PIGF: variants seen among roughly 807,000 people sequenced by gnomAD.
PIGF encodes the protein phosphatidylinositol glycan anchor biosynthesis class F.
In PIGF, 23 loss-of-function variants were observed where a neutral mutation model predicts 26.0. The observed-to-expected ratio is 0.88, with a 90% CI of 0.64 to 1.25. PIGF has a LOEUF of 1.25. Among genes scored for constraint, PIGF ranks in the 50% most tolerant of loss-of-function variants. PIGF has a pLI of 0.00. For synonymous variants in PIGF, 93 were observed against 92.6 expected, an observed-to-expected ratio of 1.00 and a Z score of -0.03; for missense variants, 278 against 249.9, an observed-to-expected ratio of 1.11 and a Z score of -0.76.
At chr2:46,592,449 T>G in intron 5 of PIGF, 26 bp downstream of exon 5, 1 of 1,077,364 alleles carries the variant, frequency 9.3e-7, no homozygotes, top group South Asian at 1.2e-5. Context: ...ACATTTATTT[T>G]GTTGCTTTAA....
At chr2:46,611,391 G>A (rs1670409592) in intron 4 of PIGF, among the ~76,000 whole-genome samples, 1 of 151,924 alleles carries the variant, frequency 6.6e-6, no homozygotes, top group African/African-American at 2.4e-5. Flanking sequence ...GGCTGAGGCA[G>A]GAGAATCACT....
At chr2:46,595,121 C>CTA (rs1669843226) in intron 4 of PIGF, among the ~76,000 whole-genome samples, 1 of 151,968 alleles carries the variant, frequency 6.6e-6, no homozygotes, top group Non-Finnish European at 1.5e-5. Flanking sequence ...CTAGAAAATC[C>CTA]TTTCTAGCCA....
intron 5 of PIGF, 129 bp from the exon 6 acceptor site, chr2:46,581,720 G>A (rs768928813): frequency 2.3e-6 from 3 of 1,311,490 alleles, no homozygotes; most frequent in Admixed American, 2.6e-5. Flanking sequence ...GTGTAATAAG[G>A]TCATAACTGC....
At chr2:46,592,036 A>G in intron 5 of PIGF, 1 of 1,185,174 alleles carries the variant, frequency 8.4e-7, no homozygotes, top group Non-Finnish European at 1.1e-6. Context: ...AAATTTCTGC[A>G]GCTATTAACC....
intron 1 of PIGF, 104 bp downstream of exon 1, chr2:46,616,866 G>C: frequency 6.3e-6 from 2 of 315,058 alleles, no homozygotes; most frequent in Non-Finnish European, 1.2e-5. Context: ...CTGACGGCGA[G>C]CGCCGGCGGG....
At chr2:46,601,279 T>A (rs963506386) in intron 4 of PIGF, among the ~76,000 whole-genome samples, 1 of 152,076 alleles carries the variant, frequency 6.6e-6, no homozygotes, top group Non-Finnish European at 1.5e-5. Context: ...AAAAAGTGAC[T>A]ACAGCAATGT....
chr2:46,598,669 G>C (rs1669964985), intron 4 of PIGF, among the ~76,000 whole-genome samples: 1 of 151,648 alleles, frequency 6.6e-6, no homozygotes, highest in Admixed American at 6.6e-5. Flanking sequence ...TGGTTGCCTG[G>C]GCCATGGAGA....
intron 4 of PIGF, among the ~76,000 whole-genome samples, chr2:46,608,140 C>A (rs550126360): frequency 6.6e-6 from 1 of 152,302 alleles, no homozygotes; most frequent in South Asian, 2.1e-4. Flanking sequence ...TTGGAGTCAA[C>A]CCTCTCAAAC....
At chr2:46,599,403 A>G (rs978675880) in intron 4 of PIGF, among the ~76,000 whole-genome samples, 6 of 152,062 alleles carry the variant, frequency 3.9e-5, no homozygotes, top group African/African-American at 1.4e-4. Flanking sequence ...TTTGTTGGGT[A>G]TTTTAGAGGC....
At chr2:46,592,612 G>C in intron 4 of PIGF, 29 bp from the exon 5 acceptor site, 2 of 1,123,552 alleles carry the variant, frequency 1.8e-6, no homozygotes, top group Non-Finnish European at 2.7e-6. Context: ...TACATCGTTG[G>C]TGGTATATAC....
chr2:46,591,562 G>A (rs1373355621), intron 5 of PIGF: 1 of 937,040 alleles, frequency 1.1e-6, no homozygotes, highest in Non-Finnish European at 1.3e-6. Context: ...AATTCAAGAA[G>A]CTATAGATTC....
rs2104068620 is a variant in PIGF, at chr2:46,588,047, T to C, written c.546+4428A>G. 2 of 1,521,080 alleles carry C rather than the reference T, an allele frequency of 1.3e-6. No individual in the cohort carries two copies. Among genetic ancestry groups the C allele is most frequent in the Non-Finnish European group, 1.8e-6 (2 of 1,133,700 alleles). 94.2% of individuals were successfully genotyped at this position (1,521,080 alleles called of 1,614,324 possible). On this transcript the variant is annotated intron_variant, in intron 5 of 5. Transcript: ENST00000281382. The surrounding 1 kb of genome is among the most constrained non-coding windows in gnomAD (Gnocchi z 4.1). ...CCTCCCCTCTCACACTTGGACTTTC[T>C]AGTGTATAAAATGGGAGTAAAACCT...
chr2:46,607,249 C>G (rs1670252979), intron 4 of PIGF, among the ~76,000 whole-genome samples: 1 of 152,222 alleles, frequency 6.6e-6, no homozygotes, highest in Non-Finnish European at 1.5e-5. Flanking sequence ...AGATTTCCAA[C>G]AACCATCTCA....
rs1572768363 is a variant in PIGF at position 46,588,324 on chromosome 2, G to A, written c.546+4151C>T. 9.5e-7 allele frequency: 1 copy of A among 1,048,906 alleles called. No individual in the cohort carries two copies. Among genetic ancestry groups the A allele is most frequent in the Non-Finnish European group, 1.3e-6 (1 of 749,796 alleles). 65.0% of individuals were successfully genotyped at this position (1,048,906 alleles called of 1,614,324 possible). On this transcript the variant is annotated intron_variant, in intron 5 of 5. Transcript: ENST00000281382. The surrounding 1 kb of genome is among the most constrained non-coding windows in gnomAD (Gnocchi z 4.1). Reference sequence around the variant, plus strand: ...CAGAAAAAATAAAACAACAAACTGAGACAATTAACATATTCTCTAATATAT... The same window carrying A: ...CAGAAAAAATAAAACAACAAACTGAAACAATTAACATATTCTCTAATATAT...
chr2:46,584,725 T>A (rs1377563207), intron 5 of PIGF, among the ~76,000 whole-genome samples: 1 of 152,210 alleles, frequency 6.6e-6, no homozygotes, highest in Admixed American at 6.5e-5. Context: ...GAGTACCTCC[T>A]TGGCTTTCCT....
In PIGF at chr2:46,589,948, T is replaced by G. The variant is rs989747555; in HGVS notation, c.546+2527A>C. 2.0e-5 allele frequency among the ~76,000 whole-genome samples: 3 copies of G among 152,048 alleles called. No individual in the cohort carries two copies. The South Asian group carries it at 6.2e-4, about 31-fold the overall frequency. The stretch of plus-strand genomic sequence containing the variant: ...GGGCAAGGAGCAGATGAGTGCTATA[T>G]GAATAAAAGATTTTTAATTATACAT... On this transcript the variant is annotated intron_variant, in intron 5 of 5. Coordinates refer to ENST00000281382, the MANE Select transcript of PIGF (RefSeq NM_002643.4). The surrounding 1 kb of genome is among the most constrained non-coding windows in gnomAD (Gnocchi z 4.7).
intron 5 of PIGF, 78 bp downstream of exon 5, chr2:46,592,397 T>C (rs1669748673): frequency 1.3e-6 from 1 of 770,016 alleles, no homozygotes; most frequent in Non-Finnish European, 2.3e-6. Flanking sequence ...AATTTACATA[T>C]ACACACTAGT....
chr2:46,595,798 T>C (rs138518098), intron 4 of PIGF, among the ~76,000 whole-genome samples: 5 of 152,300 alleles, frequency 3.3e-5, no homozygotes, highest in Non-Finnish European at 5.9e-5. Context: ...GTCATCGTAA[T>C]TGGTGTGAAA....
At chr2:46,609,363 T>G (rs536262386) in intron 4 of PIGF, among the ~76,000 whole-genome samples, 235 of 152,376 alleles carry the variant, frequency 1.5e-3, no homozygotes, top group African/African-American at 5.3e-3. Flanking sequence ...CCTGGTTTGA[T>G]CTTTCATCCA....
Sources: gnomAD v4.1 joint callset for allele counts (sites outside exome capture counted in the v4.1 genomes callset) on GRCh38, gnomAD v4.1.1 for gene constraint, Gnocchi (gnomAD v3.1) non-coding constraint, MANE v1.5 for transcripts, NCBI Gene and HGNC (gene_info 2026-07-23, HGNC 2026-07-21) for gene names.